Variants in SUN3 observed in about 807,000 individuals in gnomAD.
The protein encoded by SUN3 is Sad1 and UNC84 domain containing 3, also known as SUN domain-containing protein 3.
Under a neutral mutation model 48.2 loss-of-function variants are expected in SUN3, and 36 were observed. The observed-to-expected ratio is 0.75, with a 90% CI of 0.57 to 0.99. The LOEUF is 0.99. SUN3 is among the 50% of genes least tolerant of loss of function. The pLI is 0.00. For synonymous variants in SUN3, 148 were observed against 147.9 expected (o/e 1.00, Z 0.00); for missense variants, 419 against 433.1 (o/e 0.97, Z 0.29).
At chr7:48,035,356 G>A in the SUN3 span, among the ~76,000 whole-genome samples, 3 of 152,116 alleles carry the variant, frequency 2.0e-5, no homozygotes, top group Admixed American at 6.5e-5. The surrounding 1 kb of genome is among the most constrained non-coding windows in gnomAD (Gnocchi z 4.0). Flanking sequence ...CCCTGCCCTG[G>A]TCCGGCTCTG....
chr7:48,026,032 C>T (rs566203007), intron 1 of SUN3, 94 bp from the exon 2 acceptor site: 1 of 788,494 alleles, frequency 1.3e-6, no homozygotes, highest in South Asian at 1.6e-5. Context: ...AACAAACTTA[C>T]TTATTTTCAT....
intron 2 of SUN3, among the ~76,000 whole-genome samples, chr7:48,020,676 A>G (rs1342604029): frequency 6.6e-6 from 1 of 152,206 alleles, no homozygotes; most frequent in Non-Finnish European, 1.5e-5. Flanking sequence ...TTAATAAAGT[A>G]ATCTCATTTA....
Position 47,987,244 on chromosome 7 carries a change from C to G in SUN3, c.*86G>C. 1 of 1,407,018 alleles carries G rather than the reference C, an allele frequency of 7.1e-7. No individual in the cohort carries two copies. The highest frequency in any genetic ancestry group is 9.4e-7 in the Non-Finnish European group (1 of 1,059,210). The allele number at this position is 1,407,018 out of a possible 1,614,324, so 87.2% of individuals were successfully genotyped here. ...AGGTTTTCTTCCCACTCCCAATTCT[C>G]AATTCCTATGGGTGCGGTATCATCT... On this transcript the variant is annotated 3_prime_UTR_variant, in exon 10 of 10. Transcript: ENST00000297325.
intron 3 of SUN3, among the ~76,000 whole-genome samples, chr7:48,013,130 G>T (rs1789726738): frequency 6.6e-6 from 1 of 152,182 alleles, no homozygotes; most frequent in South Asian, 2.1e-4. Context: ...GTAGCAGTGA[G>T]CAAAGTCTTA....
chr7:48,007,093 C>T (rs948905364), intron 5 of SUN3, 72 bp downstream of exon 5: 26 of 1,459,120 alleles, frequency 1.8e-5, no homozygotes, highest in African/African-American at 9.9e-5. Context: ...GACATACTCA[C>T]TCCCCGTCAC....
In SUN3 at chr7:48,007,330, G is replaced by T. The variant is rs376354129; in HGVS notation, c.330-3C>A. 2 of 1,612,536 alleles carry T rather than the reference G, an allele frequency of 1.2e-6. No individual in the cohort carries two copies. Among genetic ancestry groups the T allele is most frequent in the Non-Finnish European group, 1.7e-6 (2 of 1,179,072 alleles). On this transcript the variant is annotated splice_polypyrimidine_tract_variant and splice_region_variant and intron_variant, in intron 4 of 9. Transcript: ENST00000297325. ...TTTCCAGATTCTGGCTTTCCTTCCT[G>T]TAAAGGGAAAATCTCAGCATGAGAG...
chr7:48,014,560 T>C (rs1789760971), intron 3 of SUN3, among the ~76,000 whole-genome samples: 1 of 152,136 alleles, frequency 6.6e-6, no homozygotes, highest in Admixed American at 6.5e-5. Context: ...GTGGTTTGTG[T>C]GGTCACAGAA....
chr7:48,006,868 G>C (rs557098211), intron 5 of SUN3, among the ~76,000 whole-genome samples: 1 of 152,178 alleles, frequency 6.6e-6, no homozygotes, highest in Non-Finnish European at 1.5e-5. Context: ...TAAGGTATTT[G>C]TGTATAGAGC....
At chr7:48,019,608 C>T (rs1228673434) in intron 2 of SUN3, among the ~76,000 whole-genome samples, 1 of 151,914 alleles carries the variant, frequency 6.6e-6, no homozygotes, top group African/African-American at 2.4e-5. Flanking sequence ...GACATCAAAA[C>T]TGGTACTGCA....
At chr7:47,992,226 C>T (rs1789085866) in intron 8 of SUN3, among the ~76,000 whole-genome samples, 1 of 152,198 alleles carries the variant, frequency 6.6e-6, no homozygotes, top group South Asian at 2.1e-4. Context: ...ATGTGACAAG[C>T]ATCACAGACA....
intron 6 of SUN3, among the ~76,000 whole-genome samples, chr7:48,005,319 C>A (rs553829849): frequency 1.8e-4 from 27 of 152,316 alleles, no homozygotes; most frequent in Non-Finnish European, 3.2e-4. Flanking sequence ...AGTAATCATG[C>A]TGTTCCAAAT....
intron 6 of SUN3, among the ~76,000 whole-genome samples, chr7:47,998,920 A>T (rs1789285425): frequency 6.6e-6 from 1 of 152,180 alleles, no homozygotes; most frequent in African/African-American, 2.4e-5. Context: ...CCTTAAAATT[A>T]GGTAGTGTGA....
rs747857382 is a variant in SUN3 at position 48,017,384 on chromosome 7, AC to A, written c.185-20del. On this transcript the variant is annotated intron_variant, in intron 2 of 9. Coordinates refer to ENST00000297325, the MANE Select transcript of SUN3 (RefSeq NM_001030019.2). ...AGGAGTCCTGTTAAAGAAAAGACAA[AC>A]TTTGATTAAAGAGTTTCTCTGGAAA... 7.4e-7 allele frequency: 1 copy of A among 1,357,496 alleles called. No homozygotes were observed. The highest frequency in any genetic ancestry group is 1.2e-5 in the South Asian group (1 of 81,064). The allele number at this position is 1,357,496 out of a possible 1,614,324, so 84.1% of individuals were successfully genotyped here.
At chr7:48,021,679 T>C (rs1437888414) in intron 2 of SUN3, among the ~76,000 whole-genome samples, 1 of 152,116 alleles carries the variant, frequency 6.6e-6, no homozygotes, top group Non-Finnish European at 1.5e-5. Flanking sequence ...GGTGCCAGTT[T>C]CATTGATTGT....
intron 8 of SUN3, chr7:47,990,953 T>TG (rs1224244512): frequency 5.6e-6 from 2 of 357,250 alleles, no homozygotes; most frequent in Non-Finnish European, 1.1e-5. Flanking sequence ...TACTTGAGGG[T>TG]GGGGGGTGGG....
intron 4 of SUN3, 88 bp from the exon 5 acceptor site, chr7:48,007,415 G>A (rs1305798685): frequency 8.1e-7 from 1 of 1,231,016 alleles, no homozygotes; most frequent in African/African-American, 1.5e-5. Flanking sequence ...CATGTGATGA[G>A]GTGCTTTATA....
intron 2 of SUN3, among the ~76,000 whole-genome samples, chr7:48,023,512 T>A (rs959435312): frequency 3.3e-5 from 5 of 150,934 alleles, no homozygotes; most frequent in Admixed American, 6.6e-5. Flanking sequence ...AAGAAGGAAA[T>A]GAAGAACAAA....
intron 6 of SUN3, among the ~76,000 whole-genome samples, chr7:48,001,524 TTTTTTTG>T (rs1473086370): frequency 1.7e-5 from 2 of 117,710 alleles, no homozygotes; most frequent in African/African-American, 6.3e-5. Flanking sequence ...TCTTTTCTGT[TTTTTTTG>T]TTTTTTTTTT....
intron 2 of SUN3, among the ~76,000 whole-genome samples, chr7:48,023,359 T>G (rs1915965): frequency 0.33 from 50,746 of 151,908 alleles, 9,506 homozygotes; most frequent in Middle Eastern, 0.53. Flanking sequence ...AAATTTAAAC[T>G]ATATTGTTAT....
Sources: gnomAD v4.1 joint callset for allele counts (sites outside exome capture counted in the v4.1 genomes callset) on GRCh38, gnomAD v4.1.1 for gene constraint, Gnocchi (gnomAD v3.1) non-coding constraint, MANE v1.5 for transcripts, NCBI Gene and HGNC (gene_info 2026-07-23, HGNC 2026-07-21) for gene names.